CHFR: variants seen among roughly 807,000 people sequenced by gnomAD.
CHFR encodes E3 ubiquitin-protein ligase CHFR.
In CHFR, 57 loss-of-function variants were observed where a neutral mutation model predicts 87.6. The observed-to-expected ratio is 0.65, with a 90% CI of 0.53 to 0.81. CHFR has a LOEUF of 0.81. CHFR is among the 30% of genes least tolerant of loss of function. The pLI, the probability that CHFR is intolerant of heterozygous loss-of-function variation, is 0.00. For missense variants in CHFR, 797 were observed against 865.8 expected (o/e 0.92, Z 1.00); for synonymous variants, 381 against 359.2 (o/e 1.06, Z -0.69).
rs770508223 is a variant in CHFR, at chr12:132,848,759, C to T, written c.1493-35G>A. ...GAGGACACTCGTTACACGCACTCAG[C>T]GCTGAGGGCTGTCTCCAACACAATT... On this transcript the variant is annotated intron_variant, in intron 12 of 17. Transcript: ENST00000450056. 22 of 1,470,872 alleles carry T rather than the reference C, an allele frequency of 1.5e-5. 1 individual carries two copies. Among genetic ancestry groups the T allele is most frequent in the South Asian group, 1.5e-4 (12 of 82,500 alleles). The allele number at this position is 1,470,872 out of a possible 1,614,324, so 91.1% of individuals were successfully genotyped here.
rs973735294 is a variant in CHFR at position 132,870,678 on chromosome 12, T to C, written c.403+46A>G. 3.0e-6 allele frequency: 4 copies of C among 1,329,432 alleles called. 1 individual carries two copies. The highest frequency in any genetic ancestry group is 4.3e-6 in the Non-Finnish European group (4 of 923,452). The allele number at this position is 1,329,432 out of a possible 1,614,324, so 82.4% of individuals were successfully genotyped here. On this transcript the variant is annotated intron_variant, in intron 5 of 17. Coordinates refer to ENST00000450056, the MANE Select transcript of CHFR (RefSeq NM_001161346.2). ...CCATCTCAAAACACAAAAGGAATGC[T>C]ATAGCTCCTAACATGCACCCACTTC...
At chr12:132,870,575 G>C (rs1258788435) in intron 5 of CHFR, 149 bp downstream of exon 5, 8 of 500,734 alleles carry the variant, frequency 1.6e-5, no homozygotes, top group Non-Finnish European at 2.9e-5. Flanking sequence ...CAGGGGAATT[G>C]CTTGAACCCA....
At chr12:132,887,422 G>A (rs1951926370) in intron 1 of CHFR, 82 bp from the exon 2 acceptor site, 1 of 1,096,938 alleles carries the variant, frequency 9.1e-7, no homozygotes, top group Non-Finnish European at 1.1e-6. Flanking sequence ...CGCGGGCCCC[G>A]GCCCGGCCGC....
intron 6 of CHFR, 70 bp downstream of exon 6, chr12:132,869,546 TAAC>T: frequency 7.1e-7 from 1 of 1,416,366 alleles, no homozygotes; most frequent in Non-Finnish European, 9.7e-7. Flanking sequence ...TCTGCCTCTG[TAAC>T]AACACAGGTA....
intron 2 of CHFR, among the ~76,000 whole-genome samples, chr12:132,878,994 T>A (rs1482039872): frequency 4.4e-5 from 6 of 136,646 alleles, no homozygotes; most frequent in Admixed American, 1.6e-4. Flanking sequence ...TTTGTTTTTT[T>A]TTTTGTTTTT....
At chr12:132,885,671 TG>T (rs1207814162) in intron 2 of CHFR, among the ~76,000 whole-genome samples, 3 of 152,176 alleles carry the variant, frequency 2.0e-5, no homozygotes, top group Non-Finnish European at 4.4e-5. Context: ...ACAATAACAA[TG>T]GCTAATGCTA....
At chr12:132,852,359 A>G (rs1351188041) in intron 11 of CHFR, among the ~76,000 whole-genome samples, 1 of 152,164 alleles carries the variant, frequency 6.6e-6, no homozygotes, top group Non-Finnish European at 1.5e-5. Flanking sequence ...TATAGAATAA[A>G]ACAAGCTGTG....
Position 132,856,312 on chromosome 12 carries a change from T to TATTG in CHFR, c.1229+155_1229+156insCAAT, listed in dbSNP as rs142807294. Among the ~76,000 whole-genome samples, 394 of 152,294 alleles carry TATTG rather than the reference T, an allele frequency of 2.6e-3. 1 individual carries two copies. The highest frequency in any genetic ancestry group is 9.0e-3 in the African/African-American group (373 of 41,566). On this transcript the variant is annotated intron_variant, in intron 10 of 17. Transcript: ENST00000450056. ...CAGGGGAGGTGCTAATACTATCCAA[T>TATTG]ATCAGAAAACAAGCTCAAGCCATTT...
chr12:132,861,919 C>G (rs890822119), intron 6 of CHFR: 3 of 398,606 alleles, frequency 7.5e-6, no homozygotes, highest in African/African-American at 2.0e-5. Context: ...CCGAGTCTAA[C>G]GCAGGGCAAA....
intron 12 of CHFR, among the ~76,000 whole-genome samples, chr12:132,850,795 A>G (rs1950922282): frequency 1.3e-5 from 2 of 152,084 alleles, no homozygotes; most frequent in Non-Finnish European, 2.9e-5. Context: ...GGTGCTCAAC[A>G]GGGCTAGGGC....
At chr12:132,851,896 C>T (rs1363226928) in intron 11 of CHFR, among the ~76,000 whole-genome samples, 159 bp from the exon 12 acceptor site, 1 of 152,146 alleles carries the variant, frequency 6.6e-6, no homozygotes, top group Non-Finnish European at 1.5e-5. Context: ...CTTCTGCCAC[C>T]CAAACTCGGG....
chr12:132,886,634 G>A (rs1183058141), intron 2 of CHFR, among the ~76,000 whole-genome samples: 2 of 152,170 alleles, frequency 1.3e-5, no homozygotes, highest in South Asian at 2.1e-4. Context: ...CAAGTTTTTA[G>A]CTTTCCAGGT....
intron 3 of CHFR, among the ~76,000 whole-genome samples, chr12:132,872,847 G>A (rs900499614): frequency 1.3e-5 from 2 of 152,168 alleles, no homozygotes; most frequent in African/African-American, 4.8e-5. Flanking sequence ...GGCAGAAGCG[G>A]ACTAAATGCT....
At position 132,837,556 on chromosome 12, in the gene CHFR, C is replaced by T. The variant is rs1390755458; in HGVS notation, c.*3998G>A. 1.3e-5 allele frequency: 2 copies of T among 152,654 alleles called. No individual in the cohort carries two copies. The highest frequency in any genetic ancestry group is 2.9e-5 in the Non-Finnish European group (2 of 68,400). 9.5% of individuals were successfully genotyped at this position (152,654 alleles called of 1,614,324 possible). A position where few individuals can be genotyped will look rare whatever the true frequency, so the allele number is the denominator to read the frequency against. ...TAAACTAACTAGAAAGTAGTGCGTC[C>T]TGAGCACTCATCACCTTTGTTTTCA... is the stretch of plus-strand genomic sequence containing the variant. On this transcript the variant is annotated 3_prime_UTR_variant, in exon 18 of 18. Transcript: ENST00000450056.
intron 3 of CHFR, among the ~76,000 whole-genome samples, chr12:132,876,274 C>T (rs969013469): frequency 2.0e-5 from 3 of 152,088 alleles, no homozygotes; most frequent in Admixed American, 6.6e-5. Flanking sequence ...GCATTTTTAA[C>T]GTATGAATAG....
In CHFR at chr12:132,870,766, CAT is replaced by C; in HGVS notation, c.359_360del (p.Tyr120Ter). 6.2e-7 allele frequency: 1 copy of C among 1,610,818 alleles called. No homozygotes were observed. On this transcript the variant is annotated frameshift_variant, in exon 5 of 18. Transcript: ENST00000450056. LOFTEE classifies it high-confidence loss of function. ...ATGCCTTGCTTTTCACTTAAAGATT[CAT>C]AGAGGTATGCCACGTCTAAAAGAAA... ...NEPEHNVAYL[Y>X]ESLSEKQGMT...
At chr12:132,879,685 C>T (rs1237814697) in intron 2 of CHFR, among the ~76,000 whole-genome samples, 3 of 152,036 alleles carry the variant, frequency 2.0e-5, no homozygotes, top group Non-Finnish European at 2.9e-5. Flanking sequence ...CACCAGCGCC[C>T]GGCCCTGAAT....
Position 132,840,365 on chromosome 12 carries a change from G to A in CHFR, c.*1189C>T, listed in dbSNP as rs376262240. On this transcript the variant is annotated 3_prime_UTR_variant, in exon 18 of 18. Transcript: ENST00000450056. ...AACACGAGAGCGGAGGAGCAAACGC[G>A]GCTCATTTATTAGAATATGCAAAAG... is the stretch of plus-strand genomic sequence containing the variant. The A allele has an allele frequency of 2.6e-5, 4 of 152,522 alleles. No individual in the cohort carries two copies. Among genetic ancestry groups the A allele is most frequent in the East Asian group, 1.9e-4 (1 of 5,184 alleles). The allele number at this position is 152,522 out of a possible 1,614,324, so 9.4% of individuals were successfully genotyped here.
intron 4 of CHFR, among the ~76,000 whole-genome samples, chr12:132,871,682 G>T (rs1455476189): frequency 2.0e-5 from 3 of 152,008 alleles, no homozygotes; most frequent in African/African-American, 7.2e-5. Flanking sequence ...TGAGGCAGGA[G>T]AATTGCTTGA....
Sources: allele counts gnomAD v4.1 joint callset (sites outside exome capture counted in the v4.1 genomes callset), GRCh38; gene constraint gnomAD v4.1.1; transcripts MANE v1.5; gene names NCBI Gene and HGNC (gene_info 2026-07-23, HGNC 2026-07-21).